XPO4: variants seen among roughly 807,000 people sequenced by gnomAD.
XPO4 encodes exportin 4.
In XPO4, 39 loss-of-function variants were observed where a neutral mutation model predicts 143.0. The observed-to-expected ratio is 0.27, with a 90% confidence interval of 0.21 to 0.36. The LOEUF is 0.36. Among genes scored for constraint, XPO4 ranks in the 10% least tolerant of loss-of-function variants. The pLI, the probability that XPO4 is intolerant of heterozygous loss-of-function variation, is 1.00. For synonymous variants in XPO4, 439 were observed against 474.0 expected, an observed-to-expected ratio of 0.93 and a Z score of 0.96; for missense variants, 907 against 1,348.0, an observed-to-expected ratio of 0.67 and a Z score of 5.12.
In XPO4 at chr13:20,852,708, ACAC is replaced by A. The variant is rs1380776470; in HGVS notation, c.456+2916_456+2918del. On this transcript the variant is annotated intron_variant, in intron 4 of 22. Transcript: ENST00000255305. Reference sequence around the variant, plus strand: ...ACAGAATCAAATGAGAAAGCAAGGTACACCACATCTATATTATATACATATATT... The same window carrying A: ...ACAGAATCAAATGAGAAAGCAAGGTACACATCTATATTATATACATATATT... 6.1e-6 allele frequency: 6 copies of A among 979,020 alleles called. No homozygotes were observed. The East Asian group carries it at 5.7e-4, about 93-fold the overall frequency. The allele number at this position is 979,020 out of a possible 1,614,324, so 60.6% of individuals were successfully genotyped here.
intron 19 of XPO4, among the ~76,000 whole-genome samples, chr13:20,788,899 C>T (rs946690266): frequency 2.6e-5 from 4 of 151,844 alleles, no homozygotes; most frequent in Non-Finnish European, 4.4e-5. Flanking sequence ...TGTGTTTACC[C>T]GGAAAAAGTA....
At chr13:20,890,798 CAAAAAAAA>C (rs60214499) in intron 1 of XPO4, among the ~76,000 whole-genome samples, 2 of 93,158 alleles carry the variant, frequency 2.1e-5, no homozygotes, top group Non-Finnish European at 2.0e-5. Context: ...GACCCTGCCT[CAAAAAAAA>C]AAAAAAAAAA....
chr13:20,895,113 G>A (rs978465654), intron 1 of XPO4, among the ~76,000 whole-genome samples: 7 of 151,912 alleles, frequency 4.6e-5, no homozygotes, highest in African/African-American at 1.7e-4. Context: ...GGGAGGCAGG[G>A]GTGGCAGGGA....
chr13:20,823,848 C>T lies in XPO4; in HGVS notation c.841-1559G>A, dbSNP rs572905175. Among the ~76,000 whole-genome samples the T allele has an allele frequency of 5.3e-5, 8 of 152,262 alleles. No individual in the cohort carries two copies. The South Asian group carries it at 1.0e-3, about 20-fold the overall frequency. On this transcript the variant is annotated intron_variant, in intron 7 of 22. Transcript: ENST00000255305. ...TGTATTTTTAGTAGAGACGGGGTTT[C>T]GCCATGTTGGCCAGGCTGGTCTCAA...
intron 6 of XPO4, among the ~76,000 whole-genome samples, chr13:20,828,268 G>A (rs1343229445): frequency 6.6e-6 from 1 of 152,014 alleles, no homozygotes; most frequent in Non-Finnish European, 1.5e-5. Context: ...AAAAACAGTG[G>A]TTATGCCCCT....
chr13:20,840,720 CTTAGT>C (rs1309770530), intron 6 of XPO4, among the ~76,000 whole-genome samples: 7 of 152,220 alleles, frequency 4.6e-5, no homozygotes, highest in Admixed American at 4.6e-4. Flanking sequence ...AAATCTGTAG[CTTAGT>C]TTAATCTCAC....
intron 1 of XPO4, among the ~76,000 whole-genome samples, chr13:20,886,026 A>G (rs573481002): frequency 6.6e-5 from 10 of 152,334 alleles, no homozygotes; most frequent in African/African-American, 2.2e-4. Context: ...GAAGATTAAC[A>G]TGTAACTCTC....
chr13:20,809,676 A>G, intron 10 of XPO4, 115 bp downstream of exon 10: 2 of 1,217,226 alleles, frequency 1.6e-6, no homozygotes, highest in Middle Eastern at 2.5e-4. Flanking sequence ...TTTTGCTCCC[A>G]GCAAATCTTC....
rs75747290 is a variant in XPO4, at chr13:20,827,816, G to C, written c.728-637C>G. 5.5e-4 allele frequency among the ~76,000 whole-genome samples: 84 copies of C among 152,190 alleles called. No individual in the cohort carries two copies. The East Asian group carries it at 7.5e-3, about 14-fold the overall frequency. On this transcript the variant is annotated intron_variant, in intron 6 of 22. Transcript: ENST00000255305. ...TAAAAAGCAATTTATATGGTGTTCA[G>C]GCATTCAATTTCAAACATGCTTCAA...
At chr13:20,808,769 T>TAA (rs2059539366) in intron 11 of XPO4, among the ~76,000 whole-genome samples, 188 bp from the exon 12 acceptor site, 1 of 152,214 alleles carries the variant, frequency 6.6e-6, no homozygotes, top group African/African-American at 2.4e-5. Context: ...AACATAGAAT[T>TAA]AAAACACTGC....
intron 1 of XPO4, among the ~76,000 whole-genome samples, chr13:20,870,739 A>C (rs866327079): frequency 2.0e-4 from 31 of 152,096 alleles, no homozygotes; most frequent in African/African-American, 5.8e-4. Context: ...CAAAAAAAAA[A>C]AAAACTGAAC....
intron 7 of XPO4, among the ~76,000 whole-genome samples, chr13:20,825,129 G>A (rs2137976893): frequency 6.6e-6 from 1 of 152,082 alleles, no homozygotes; most frequent in East Asian, 1.9e-4. Context: ...TGGTCAAAAA[G>A]GTAGGAAGAA....
intron 6 of XPO4, among the ~76,000 whole-genome samples, chr13:20,832,794 T>C (rs17058933): frequency 0.028 from 4,188 of 152,210 alleles, 84 homozygotes; most frequent in Non-Finnish European, 0.042. Context: ...TACCTGAATG[T>C]TTTCCCAAGC....
intron 18 of XPO4, among the ~76,000 whole-genome samples, chr13:20,791,406 C>T (rs967588341): frequency 1.3e-5 from 2 of 152,048 alleles, no homozygotes; most frequent in Non-Finnish European, 2.9e-5. Context: ...TTCAGACAGC[C>T]TTGTCCACAG....
At chr13:20,855,947 G>A (rs537136583) in intron 3 of XPO4, among the ~76,000 whole-genome samples, 182 bp from the exon 4 acceptor site, 11 of 152,316 alleles carry the variant, frequency 7.2e-5, no homozygotes, top group Admixed American at 1.3e-4. Context: ...CTCCATTGTG[G>A]ACGGGCTGTA....
intron 9 of XPO4, among the ~76,000 whole-genome samples, chr13:20,821,100 T>G (rs1244371582): frequency 6.6e-6 from 1 of 152,130 alleles, no homozygotes; most frequent in Non-Finnish European, 1.5e-5. Flanking sequence ...ATATGGAAAA[T>G]ACACATTTGG....
At chr13:20,788,667 A>G in intron 19 of XPO4, 51 bp from the exon 20 acceptor site, 2 of 1,468,566 alleles carry the variant, frequency 1.4e-6, no homozygotes, top group Middle Eastern at 2.2e-4. Context: ...TCCAATTTCT[A>G]TTTTCATCAA....
At chr13:20,882,414 G>A (rs914786224) in intron 1 of XPO4, among the ~76,000 whole-genome samples, 4 of 152,082 alleles carry the variant, frequency 2.6e-5, no homozygotes, top group Non-Finnish European at 5.9e-5. Flanking sequence ...AAGCAAGTGG[G>A]GGGAGGTGCC....
chr13:20,814,662 C>G (rs1333096226), intron 9 of XPO4, among the ~76,000 whole-genome samples: 2 of 152,260 alleles, frequency 1.3e-5, no homozygotes, highest in African/African-American at 4.8e-5. Context: ...AGCACGTGCA[C>G]AGAGATGACT....
Sources: allele counts gnomAD v4.1 joint callset (sites outside exome capture counted in the v4.1 genomes callset), GRCh38; gene constraint gnomAD v4.1.1; transcripts MANE v1.5; gene names NCBI Gene and HGNC (gene_info 2026-07-23, HGNC 2026-07-21).